Variants in TRIP4 observed in about 807,000 individuals in gnomAD.
The protein encoded by TRIP4 is thyroid hormone receptor interactor 4, also known as activating signal cointegrator 1.
In TRIP4, 54 loss-of-function variants were observed where a neutral mutation model predicts 81.8. The observed-to-expected ratio is 0.66, with a 90% confidence interval of 0.53 to 0.83. TRIP4 has a LOEUF of 0.83. TRIP4 is among the 40% of genes least tolerant of loss of function. TRIP4 has a pLI of 0.00. For synonymous variants in TRIP4, 270 were observed against 242.8 expected (o/e 1.11, Z -1.04); for missense variants, 662 against 683.6 (o/e 0.97, Z 0.35).
intron 11 of TRIP4, among the ~76,000 whole-genome samples, chr15:64,430,478 A>AGGCAATG (rs1168002708): frequency 1.3e-5 from 2 of 152,204 alleles, no homozygotes; most frequent in African/African-American, 2.4e-5. Context: ...GTGGTTTGTA[A>AGGCAATG]CCTCAATAGT....
At chr15:64,446,055 C>T (rs1339844096) in intron 12 of TRIP4, among the ~76,000 whole-genome samples, 1 of 151,920 alleles carries the variant, frequency 6.6e-6, no homozygotes, top group Non-Finnish European at 1.5e-5. Flanking sequence ...GGTGGATCAT[C>T]TGAGGTCAGG....
In TRIP4 at chr15:64,397,889, T is replaced by C. The variant is rs562245241; in HGVS notation, c.618+71T>C. 12 of 1,518,538 alleles carry C rather than the reference T, an allele frequency of 7.9e-6. No homozygotes were observed. The African/African-American group carries it at 1.7e-4, about 21-fold the overall frequency. The allele number at this position is 1,518,538 out of a possible 1,614,324, so 94.1% of individuals were successfully genotyped here. A position where few individuals can be genotyped will look rare whatever the true frequency, so the allele number is the denominator to read the frequency against. ...TACGCAGAGCCAGTCAGATCTCAAG[T>C]AATTTCTCTTTTTTTGTTTTTTTTT... On this transcript the variant is annotated intron_variant, in intron 4 of 12. Transcript: ENST00000261884.
chr15:64,395,671 C>T (rs1304796281), intron 3 of TRIP4, 140 bp downstream of exon 3: 2 of 888,908 alleles, frequency 2.2e-6, no homozygotes, highest in African/African-American at 1.7e-5. Flanking sequence ...GAAAAAGTTA[C>T]ATATACTCCT....
intron 12 of TRIP4, chr15:64,450,910 T>C (rs548392831): frequency 1.3e-4 from 35 of 261,012 alleles, no homozygotes; most frequent in Admixed American, 3.6e-4. Flanking sequence ...TCTCATTCAG[T>C]AAAGCTTTAA....
rs181942681 is a variant in TRIP4 at position 64,440,649 on chromosome 15, C to G, written c.1576-4357C>G. 2.3e-3 allele frequency among the ~76,000 whole-genome samples: 353 copies of G among 152,200 alleles called. 5 individuals carry two copies. The highest frequency in any genetic ancestry group is 1.5e-4 in the Non-Finnish European group (10 of 68,020). ...CTAGTAGTAGGAAAAGGGATATTCA[C>G]CTGGAACTTTAATTTGAGATTCATC... On this transcript the variant is annotated intron_variant, in intron 11 of 12. Transcript: ENST00000261884.
chr15:64,446,443 C>G (rs1892633826), intron 12 of TRIP4, among the ~76,000 whole-genome samples: 1 of 139,132 alleles, frequency 7.2e-6, no homozygotes, highest in African/African-American at 2.7e-5. Context: ...CTCACTCTGT[C>G]TCCGAGGCTG....
intron 5 of TRIP4, among the ~76,000 whole-genome samples, chr15:64,402,564 C>T (rs1445844449): frequency 2.7e-5 from 4 of 148,996 alleles, no homozygotes; most frequent in African/African-American, 9.9e-5. Flanking sequence ...GCTCTTGTTG[C>T]CCAGGCTGGA....
At chr15:64,448,979 G>T (rs925203713) in intron 12 of TRIP4, among the ~76,000 whole-genome samples, 1 of 152,132 alleles carries the variant, frequency 6.6e-6, no homozygotes, top group South Asian at 2.1e-4. Flanking sequence ...GGAATCTGAG[G>T]CAGGAGGATC....
intron 8 of TRIP4, among the ~76,000 whole-genome samples, chr15:64,416,499 G>C (rs973285982): frequency 7.9e-5 from 12 of 152,224 alleles, no homozygotes; most frequent in African/African-American, 2.9e-4. Flanking sequence ...GAGGAAGGAG[G>C]ATCACTTGAA....
intron 11 of TRIP4, among the ~76,000 whole-genome samples, chr15:64,432,170 C>T (rs1051685462): frequency 5.9e-5 from 9 of 151,610 alleles, no homozygotes; most frequent in African/African-American, 1.9e-4. Flanking sequence ...CAGGCATGAG[C>T]CACCATGCCT....
At position 64,425,644 on chromosome 15, in the gene TRIP4, T is replaced by C. The variant is rs999773305; in HGVS notation, c.1575+13T>C. On this transcript the variant is annotated intron_variant, in intron 11 of 12. Coordinates refer to ENST00000261884, the MANE Select transcript of TRIP4 (RefSeq NM_016213.5). ...ATTTAAGGAGCAGGTGAGTAAAGAA[T>C]ACTTTTTTTTTTTAGAGACAGGGTT... 18 of 1,598,406 alleles carry C rather than the reference T, an allele frequency of 1.1e-5. No individual in the cohort carries two copies. Among genetic ancestry groups the C allele is most frequent in the Non-Finnish European group, 1.5e-5 (17 of 1,171,786 alleles).
chr15:64,390,776 T>C (rs938125137), intron 1 of TRIP4, among the ~76,000 whole-genome samples: 1 of 151,446 alleles, frequency 6.6e-6, no homozygotes, highest in African/African-American at 2.4e-5. Context: ...GCACCTGTAA[T>C]CCCAGCTACT....
intron 12 of TRIP4, 44 bp downstream of exon 12, chr15:64,445,152 G>GT: frequency 1.9e-6 from 2 of 1,064,946 alleles, no homozygotes; most frequent in Non-Finnish European, 2.8e-6. Flanking sequence ...AAGTGCAGTA[G>GT]TAAGGAATGG....
At chr15:64,394,905 C>T (rs1408397744) in intron 2 of TRIP4, among the ~76,000 whole-genome samples, 1 of 152,176 alleles carries the variant, frequency 6.6e-6, no homozygotes. Flanking sequence ...AGTGATGTGG[C>T]TTGATCCTAG....
intron 11 of TRIP4, among the ~76,000 whole-genome samples, chr15:64,434,488 A>T (rs1892345915): frequency 6.6e-6 from 1 of 152,122 alleles, no homozygotes; most frequent in Non-Finnish European, 1.5e-5. Context: ...CAAATGATAG[A>T]CATATCAGTT....
chr15:64,424,846 C>T (rs1892103447), intron 10 of TRIP4, among the ~76,000 whole-genome samples: 1 of 152,036 alleles, frequency 6.6e-6, no homozygotes, highest in South Asian at 2.1e-4. Flanking sequence ...CGCCATTTCT[C>T]CTCACTGCAA....
In TRIP4 at chr15:64,400,934, TCA is replaced by T. The variant is rs533843180; in HGVS notation, c.697+114_697+115del. On this transcript the variant is annotated intron_variant, in intron 5 of 12. Transcript: ENST00000261884. ...CAAGATGCAGTTTATTCACTCATTC[TCA>T]GTTTTTTTGGGGGGTTTTTTTTGTT... is the stretch of plus-strand genomic sequence containing the variant. The T allele has an allele frequency of 4.3e-4, 346 of 809,320 alleles. No homozygotes were observed. In the African/African-American group the frequency reaches 8.0e-3, roughly 19 times the overall value. 50.1% of individuals were successfully genotyped at this position (809,320 alleles called of 1,614,324 possible).
intron 11 of TRIP4, among the ~76,000 whole-genome samples, chr15:64,431,847 A>ATATATATATATATTTTT: frequency 2.5e-5 from 3 of 119,560 alleles, no homozygotes; most frequent in South Asian, 5.0e-4. Context: ...ATATATATAT[A>ATATATATATATATTTTT]TTTTTTTTAT....
At chr15:64,431,630 C>T (rs1319784863) in intron 11 of TRIP4, among the ~76,000 whole-genome samples, 3 of 150,704 alleles carry the variant, frequency 2.0e-5, no homozygotes, top group South Asian at 4.2e-4. Flanking sequence ...CACTTGAACC[C>T]GGGAGGCAGA....
Sources: allele counts gnomAD v4.1 joint callset (sites outside exome capture counted in the v4.1 genomes callset), GRCh38; gene constraint gnomAD v4.1.1; transcripts MANE v1.5; gene names NCBI Gene and HGNC (gene_info 2026-07-23, HGNC 2026-07-21).